SRFBP1: variants seen among roughly 807,000 people sequenced by gnomAD.
SRFBP1 encodes the protein serum response factor-binding protein 1.
In SRFBP1, 47 loss-of-function variants were observed where a neutral mutation model predicts 45.5. The observed-to-expected ratio is 1.03, with a 90% CI of 0.82 to 1.32. SRFBP1 has a LOEUF of 1.32. SRFBP1 is among the 40% of genes most tolerant of loss of function. The pLI is 0.00. For missense variants in SRFBP1, 621 were observed against 484.6 expected, an observed-to-expected ratio of 1.28 and a Z score of -2.64; for synonymous variants, 203 against 166.3, an observed-to-expected ratio of 1.22 and a Z score of -1.70.
At chr5:122,058,589 G>C (rs565726568) in intron 2 of SRFBP1, among the ~76,000 whole-genome samples, 1 of 149,458 alleles carries the variant, frequency 6.7e-6, no homozygotes, top group South Asian at 2.1e-4. Flanking sequence ...CCTATGTCTA[G>C]AACGTAGCAA....
chr5:122,047,641 A>G (rs1434025576), intron 2 of SRFBP1, among the ~76,000 whole-genome samples: 1 of 152,100 alleles, frequency 6.6e-6, no homozygotes, highest in Admixed American at 6.5e-5. Flanking sequence ...CTTGGGCAGT[A>G]TGGCCATTTT....
chr5:122,000,710 A>G (rs1029560451), intron 4 of SRFBP1, among the ~76,000 whole-genome samples: 3 of 152,084 alleles, frequency 2.0e-5, no homozygotes, highest in Non-Finnish European at 4.4e-5. Context: ...GTTCACTCTG[A>G]CTGGTTCAGT....
chr5:122,077,775 C>A, downstream of SRFBP1: 2 of 1,549,012 alleles, frequency 1.3e-6, no homozygotes, highest in Non-Finnish European at 1.7e-6. The surrounding 1 kb of genome is among the most constrained non-coding windows in gnomAD (Gnocchi z 4.9). Flanking sequence ...GCGCCCGGGT[C>A]CCGGCGGCGC....
intron 1 of SRFBP1, among the ~76,000 whole-genome samples, chr5:121,967,274 TGTGTC>T (rs1752091762): frequency 6.6e-6 from 1 of 152,182 alleles, no homozygotes; most frequent in Admixed American, 6.5e-5. Flanking sequence ...ACAAAACGCT[TGTGTC>T]GTGATTAGGT....
chr5:121,974,311 TG>T, intron 2 of SRFBP1, 27 bp downstream of exon 2: 1 of 1,510,968 alleles, frequency 6.6e-7, no homozygotes, highest in Non-Finnish European at 9.2e-7. Context: ...AATGATCTTG[TG>T]ACTAATAAAA....
At chr5:122,077,441 G>T, downstream of SRFBP1, 1 of 1,614,152 alleles carries the variant, frequency 6.2e-7, no homozygotes, top group Non-Finnish European at 8.5e-7. The surrounding 1 kb of genome is among the most constrained non-coding windows in gnomAD (Gnocchi z 4.9). Context: ...GTTGTAATAA[G>T]GGTTGTCGTC....
Position 122,027,223 on chromosome 5 carries a change from C to A in SRFBP1, c.*97C>A. On this transcript the variant is annotated 3_prime_UTR_variant, in exon 8 of 8. Coordinates refer to ENST00000339397, the MANE Select transcript of SRFBP1 (RefSeq NM_152546.3). The stretch of plus-strand genomic sequence containing the variant: ...TTGCCCAGACTAGAGTACAATATTG[C>A]AATCACAGCTCACTGCAGCCTCAAA... The A allele has an allele frequency of 1.0e-6, 1 of 984,236 alleles. No individual in the cohort carries two copies. The allele number at this position is 984,236 out of a possible 1,614,324, so 61.0% of individuals were successfully genotyped here.
intron 3 of SRFBP1, among the ~76,000 whole-genome samples, chr5:121,981,260 G>A (rs1215054675): frequency 3.3e-5 from 5 of 152,000 alleles, no homozygotes; most frequent in African/African-American, 1.2e-4. Context: ...GAAAAATGTA[G>A]CCAGTGAAGG....
At chr5:122,015,741 T>C (rs1477921663) in intron 4 of SRFBP1, among the ~76,000 whole-genome samples, 3 of 152,240 alleles carry the variant, frequency 2.0e-5, no homozygotes, top group Admixed American at 2.0e-4. Flanking sequence ...GTGGCAGTAC[T>C]CTATTATTCC....
chr5:122,001,394 T>A (rs1752864683), intron 4 of SRFBP1, among the ~76,000 whole-genome samples: 1 of 149,044 alleles, frequency 6.7e-6, no homozygotes, highest in African/African-American at 2.4e-5. Context: ...TTTTATTTTT[T>A]ATTTTTTTTA....
downstream of SRFBP1, chr5:122,077,565 G>A: frequency 6.2e-7 from 1 of 1,613,058 alleles, no homozygotes; most frequent in Non-Finnish European, 8.5e-7. The surrounding 1 kb of genome is among the most constrained non-coding windows in gnomAD (Gnocchi z 4.9). Context: ...TTCTCCGCGC[G>A]CGAGGCGCCA....
intron 7 of SRFBP1, among the ~76,000 whole-genome samples, chr5:122,023,536 A>C (rs1753407376): frequency 6.6e-6 from 1 of 152,230 alleles, no homozygotes; most frequent in Admixed American, 6.5e-5. Context: ...TGGAAGGCAC[A>C]CAACAGGTCT....
chr5:122,016,516 T>C (rs544202295), intron 4 of SRFBP1, among the ~76,000 whole-genome samples: 1 of 152,324 alleles, frequency 6.6e-6, no homozygotes, highest in South Asian at 2.1e-4. Flanking sequence ...CTTGTTTTAT[T>C]ATCTGAAATC....
At chr5:121,965,839 A>G (rs943161447) in intron 1 of SRFBP1, among the ~76,000 whole-genome samples, 20 of 152,162 alleles carry the variant, frequency 1.3e-4, no homozygotes, top group Non-Finnish European at 2.1e-4. Context: ...ATGTTTTTCC[A>G]TTTGTATGTG....
intron 4 of SRFBP1, among the ~76,000 whole-genome samples, chr5:122,012,179 C>A (rs1053886192): frequency 6.6e-6 from 1 of 151,880 alleles, no homozygotes; most frequent in Non-Finnish European, 1.5e-5. Flanking sequence ...AATCTTTGGT[C>A]CATTTCCCCT....
intron 4 of SRFBP1, among the ~76,000 whole-genome samples, chr5:122,016,614 T>C (rs1164151692): frequency 1.3e-5 from 2 of 152,196 alleles, no homozygotes; most frequent in Non-Finnish European, 2.9e-5. Flanking sequence ...CATTGGAGTT[T>C]CTATATTCTA....
intron 1 of SRFBP1, among the ~76,000 whole-genome samples, chr5:121,967,890 G>A (rs371382182): frequency 5.3e-5 from 8 of 152,150 alleles, no homozygotes; most frequent in East Asian, 1.9e-4. Context: ...TACTTCAAAC[G>A]TATGGAAAAT....
intron 2 of SRFBP1, among the ~76,000 whole-genome samples, chr5:122,056,028 G>T (rs1216698291): frequency 6.6e-6 from 1 of 152,102 alleles, no homozygotes; most frequent in Non-Finnish European, 1.5e-5. Flanking sequence ...CAAGAGTGTT[G>T]AATAACAGGT....
intron 6 of SRFBP1, among the ~76,000 whole-genome samples, 161 bp downstream of exon 6, chr5:122,020,963 G>GATACAC (rs1270415589): frequency 1.3e-5 from 2 of 152,194 alleles, no homozygotes; most frequent in African/African-American, 4.8e-5. Context: ...ATTAGGTACA[G>GATACAC]ATACACATAT....
Sources: allele counts gnomAD v4.1 joint callset (sites outside exome capture counted in the v4.1 genomes callset), GRCh38; gene constraint gnomAD v4.1.1; non-coding constraint Gnocchi (gnomAD v3.1); transcripts MANE v1.5; gene names NCBI Gene and HGNC (gene_info 2026-07-23, HGNC 2026-07-21).